The following USP35 variants were observed in gnomAD, a reference collection of about 807,000 sequenced individuals.
USP35 encodes the protein ubiquitin specific peptidase 35, also known as ubiquitin carboxyl-terminal hydrolase 35.
A neutral mutation model predicts 83.8 loss-of-function variants in USP35; 69 were observed. The observed-to-expected ratio is 0.82, with a 90% CI of 0.68 to 1.01. The LOEUF is 1.01. Ranked by LOEUF, USP35 falls within the 50% of genes least tolerant of loss-of-function variation. The probability of loss-of-function intolerance (pLI) is 0.00; values close to 1 mark genes in which losing one functional copy is unlikely to be tolerated. For synonymous variants in USP35, 714 were observed against 589.5 expected (o/e 1.21, Z -3.06); for missense variants, 1,503 against 1,362.5 (o/e 1.10, Z -1.62).
In USP35 at chr11:78,208,937, G is replaced by C. The variant is rs574908510; in HGVS notation, c.1566G>C (p.Ser522=). The change falls in exon 9 of 11, where the codon TCG becomes TCC. Residue 522 remains serine, a synonymous_variant. Transcript: ENST00000529308. ...GCCCTGGCACCCAGCAGGACTGCTC[G>C]GAGTATCTGAAGTACCTGCTGGATC... ...WFSPGTQQDC[S]EYLKYLLDRL... 8 of 1,614,180 alleles carry C rather than the reference G, an allele frequency of 5.0e-6. No individual in the cohort carries two copies. The highest frequency in any genetic ancestry group is 6.8e-6 in the Non-Finnish European group (8 of 1,180,026).
intron 3 of USP35, chr11:78,198,700 A>G (rs964162824): frequency 3.0e-6 from 3 of 985,198 alleles, no homozygotes; most frequent in African/African-American, 3.5e-5. Flanking sequence ...TTTAGTGGGT[A>G]AGAGTGTGGG....
intron 9 of USP35, among the ~76,000 whole-genome samples, 186 bp downstream of exon 9, chr11:78,209,149 G>GT (rs1410731534): frequency 6.6e-6 from 1 of 152,220 alleles, no homozygotes; most frequent in Non-Finnish European, 1.5e-5. Context: ...TAGATGCTGA[G>GT]TGGAAGTGAT....
At position 78,208,832 on chromosome 11, in the gene USP35, A is replaced by G. The variant is rs751442857; in HGVS notation, c.1486-25A>G. 5.0e-6 allele frequency: 8 copies of G among 1,613,524 alleles called. No individual in the cohort carries two copies. The East Asian group carries it at 8.9e-5, about 18-fold the overall frequency. On this transcript the variant is annotated intron_variant, in intron 8 of 10. Transcript: ENST00000529308. ...GGTGAGTGGCCTCCTGCTCCTGACCATGCCTTTCGCCTGCCTTGTCCTAGC... is the reference window on the plus strand; with the variant it reads ...GGTGAGTGGCCTCCTGCTCCTGACCGTGCCTTTCGCCTGCCTTGTCCTAGC...
intron 10 of USP35, among the ~76,000 whole-genome samples, chr11:78,211,700 G>A (rs1264502238): frequency 1.3e-5 from 2 of 152,228 alleles, no homozygotes; most frequent in African/African-American, 2.4e-5. Context: ...AATGGTCAGT[G>A]ATGTTGAATT....
At chr11:78,210,828 CTCTAAG>C (rs1863743360) in intron 10 of USP35, 84 bp downstream of exon 10, 11 of 1,379,856 alleles carry the variant, frequency 8.0e-6, no homozygotes, top group Non-Finnish European at 1.1e-5. Flanking sequence ...GTCATTTCCC[CTCTAAG>C]TCTTTTTTGT....
the USP35 span, chr11:78,223,608 T>G: frequency 6.2e-7 from 1 of 1,613,562 alleles, no homozygotes. Context: ...TGGAAGAACC[T>G]GGATTCATGG....
downstream of USP35, chr11:78,215,560 C>A (rs539835653): frequency 6.6e-6 from 1 of 152,652 alleles, no homozygotes; most frequent in African/African-American, 2.4e-5. Context: ...GAACTCAAGA[C>A]TGGGCTTCCA....
Position 78,214,014 on chromosome 11 carries a change from A to AAACTT in USP35, c.*202_*206dup, listed in dbSNP as rs942412203. On this transcript the variant is annotated 3_prime_UTR_variant, in exon 11 of 11. Transcript: ENST00000529308. ...CTTTCATTGGGGATCAGTCCCATTA[A>AAACTT]AACTTTACACCCAAGTGTCCTGGTT... 66 of 555,170 alleles carry AAACTT rather than the reference A, an allele frequency of 1.2e-4. No individual in the cohort carries two copies. Among genetic ancestry groups the AAACTT allele is most frequent in the African/African-American group, 1.2e-3 (59 of 50,628 alleles). The allele number at this position is 555,170 out of a possible 1,614,324, so 34.4% of individuals were successfully genotyped here. A position where few individuals can be genotyped will look rare whatever the true frequency, so the allele number is the denominator to read the frequency against.
At chr11:78,221,681 G>A in the USP35 span, 3 of 1,605,786 alleles carry the variant, frequency 1.9e-6, 1 homozygote, top group Admixed American at 3.3e-5. Context: ...ACTCACCATA[G>A]GGACATAGTT....
the USP35 span, chr11:78,225,242 T>A: frequency 5.2e-6 from 7 of 1,357,200 alleles, no homozygotes; most frequent in Non-Finnish European, 7.4e-6. Context: ...TCATGGTTGA[T>A]TCATGTGTTG....
the USP35 span, among the ~76,000 whole-genome samples, chr11:78,231,521 T>C: frequency 9.2e-5 from 14 of 152,130 alleles, no homozygotes; most frequent in Admixed American, 5.9e-4. Context: ...GGCTAATTTT[T>C]GTATATTTAG....
intron 8 of USP35, among the ~76,000 whole-genome samples, 163 bp from the exon 9 acceptor site, chr11:78,208,694 T>C (rs1863612886): frequency 6.6e-6 from 1 of 152,106 alleles, no homozygotes; most frequent in Non-Finnish European, 1.5e-5. Flanking sequence ...ACATGTGGGC[T>C]GGGTTGGGTC....
At position 78,209,812 on chromosome 11, in the gene USP35, C is replaced by G; in HGVS notation, c.1957C>G (p.Pro653Ala). The change falls in exon 10 of 11, where the codon CCC becomes GCC. Residue 653 changes from proline to alanine, a missense_variant. Transcript: ENST00000529308. ...GAAACACTGCATCACAGAGGACACC[C>G]CCCCCACCAGCCTGTACATCGAAGG... ...QRKHCITEDT[P>A]PTSLYIEGLD... The G allele has an allele frequency of 6.2e-7, 1 of 1,613,602 alleles. No homozygotes were observed. The highest frequency in any genetic ancestry group is 8.5e-7 in the Non-Finnish European group (1 of 1,179,814).
chr11:78,213,274 A>C (rs1025196775), intron 10 of USP35, among the ~76,000 whole-genome samples: 2 of 152,124 alleles, frequency 1.3e-5, no homozygotes, highest in African/African-American at 4.8e-5. Context: ...TCCTGGTAGC[A>C]GGAGGATGGG....
the USP35 span, chr11:78,226,388 C>G: frequency 8.4e-7 from 1 of 1,187,042 alleles, no homozygotes; most frequent in African/African-American, 1.5e-5. Flanking sequence ...CCATGGATGA[C>G]CAAGGACCAT....
At chr11:78,221,929 A>G in the USP35 span, 1 of 681,278 alleles carries the variant, frequency 1.5e-6, no homozygotes, top group East Asian at 2.7e-5. Context: ...TAGGGCAGGT[A>G]TAATTATTCT....
chr11:78,208,971 G>A lies in USP35; in HGVS notation c.1592+8G>A. 1 of 1,613,494 alleles carries A rather than the reference G, an allele frequency of 6.2e-7. No individual in the cohort carries two copies. Among genetic ancestry groups the A allele is most frequent in the East Asian group, 2.2e-5 (1 of 44,880 alleles). Reference sequence around the variant, plus strand: ...GAAGTACCTGCTGGATCGGTAAGGGGGCCAGGGCTACGCGAAGACTCCAGG... The same window carrying A: ...GAAGTACCTGCTGGATCGGTAAGGGAGCCAGGGCTACGCGAAGACTCCAGG... On this transcript the variant is annotated splice_region_variant and intron_variant, in intron 9 of 10. Transcript: ENST00000529308.
intron 3 of USP35, chr11:78,198,643 C>G: frequency 4.1e-6 from 4 of 985,428 alleles, no homozygotes; most frequent in Non-Finnish European, 4.8e-6. Context: ...CTTTCCATCC[C>G]GTGTGCAGAT....
At position 78,214,376 on chromosome 11, in the gene USP35, T is replaced by TTGGG. The variant is rs1411405239; in HGVS notation, c.*564_*565insGGGT. On this transcript the variant is annotated 3_prime_UTR_variant, in exon 11 of 11. Coordinates refer to ENST00000529308, the MANE Select transcript of USP35 (RefSeq NM_020798.4). ...CCCTTACCAAGCGCCACTGCATGGT[T>TTGGG]TTGGGGGGGGGGGCGGGGGGCTAGC... is the stretch of plus-strand genomic sequence containing the variant. 1 of 2,362 alleles carries TTGGG rather than the reference T, an allele frequency of 4.2e-4. No homozygotes were observed. Among genetic ancestry groups the TTGGG allele is most frequent in the Admixed American group, 3.8e-3 (1 of 260 alleles). 0.1% of individuals were successfully genotyped at this position (2,362 alleles called of 1,614,324 possible). A position where few individuals can be genotyped will look rare whatever the true frequency, so the allele number is the denominator to read the frequency against.
Sources: gnomAD v4.1 joint callset for allele counts (sites outside exome capture counted in the v4.1 genomes callset) on GRCh38, gnomAD v4.1.1 for gene constraint, MANE v1.5 for transcripts, NCBI Gene and HGNC (gene_info 2026-07-23, HGNC 2026-07-21) for gene names.